Variants in ASTN1 observed in about 807,000 individuals in gnomAD.
ASTN1 encodes the protein astrotactin 1, also known as astrotactin-1.
In ASTN1, 41 loss-of-function variants were observed where a neutral mutation model predicts 140.7. The observed-to-expected ratio is 0.29, with a 90% CI of 0.23 to 0.38. The LOEUF is 0.38. Ranked by LOEUF, ASTN1 falls within the 10% of genes least tolerant of loss-of-function variation. The pLI is 1.00. For missense variants in ASTN1, 1,479 were observed against 1,678.8 expected, an observed-to-expected ratio of 0.88 and a Z score of 2.08; for synonymous variants, 640 against 652.2, an observed-to-expected ratio of 0.98 and a Z score of 0.29.
intron 22 of ASTN1, among the ~76,000 whole-genome samples, chr1:176,864,826 G>A (rs997519135): frequency 2.6e-5 from 4 of 152,124 alleles, no homozygotes; most frequent in Admixed American, 6.6e-5. Flanking sequence ...AGAGTTGGCA[G>A]GTTTGAAAGA....
chr1:176,891,514 C>T (rs927529795), intron 17 of ASTN1, among the ~76,000 whole-genome samples: 3 of 152,280 alleles, frequency 2.0e-5, no homozygotes, highest in East Asian at 3.9e-4. Context: ...TAGATACAAG[C>T]CGGGCACGGT....
rs150458757 is a variant in ASTN1 at position 176,891,336 on chromosome 1, A to G, written c.2941-3132T>C. ...GCTAAATTCATCTATCCATTCATTTATCTATTTATGCATCTATTCATTCAT... is the reference window on the plus strand; with the variant it reads ...GCTAAATTCATCTATCCATTCATTTGTCTATTTATGCATCTATTCATTCAT... On this transcript the variant is annotated intron_variant, in intron 17 of 22. Coordinates refer to ENST00000361833, the MANE Select transcript of ASTN1 (RefSeq NM_004319.3). 1.4e-4 allele frequency among the ~76,000 whole-genome samples: 22 copies of G among 152,366 alleles called. No individual in the cohort carries two copies. The East Asian group carries it at 4.0e-3, about 28-fold the overall frequency.
At chr1:176,989,892 A>C (rs1360007140) in intron 8 of ASTN1, among the ~76,000 whole-genome samples, 5 of 151,920 alleles carry the variant, frequency 3.3e-5, no homozygotes, top group Non-Finnish European at 2.9e-5. Flanking sequence ...CCAATTATCC[A>C]GCCTGAATGC....
intron 2 of ASTN1, among the ~76,000 whole-genome samples, chr1:177,033,645 A>G (rs1676566794): frequency 6.6e-6 from 1 of 152,236 alleles, no homozygotes; most frequent in Non-Finnish European, 1.5e-5. Flanking sequence ...TTAACCACAC[A>G]GTCCTGAGTG....
At chr1:176,995,006 A>C (rs1674369887) in intron 8 of ASTN1, among the ~76,000 whole-genome samples, 1 of 152,222 alleles carries the variant, frequency 6.6e-6, no homozygotes, top group South Asian at 2.1e-4. Context: ...AAAGAACACC[A>C]TGCCAAATGT....
At chr1:177,046,577 A>G (rs1677236015) in intron 2 of ASTN1, among the ~76,000 whole-genome samples, 3 of 152,126 alleles carry the variant, frequency 2.0e-5, no homozygotes, top group African/African-American at 7.2e-5. Context: ...CACCCTTTAT[A>G]CCATGCCTCG....
intron 14 of ASTN1, among the ~76,000 whole-genome samples, chr1:176,939,102 A>G (rs541463327): frequency 1.5e-3 from 234 of 151,956 alleles, no homozygotes; most frequent in Middle Eastern, 3.4e-3. Flanking sequence ...ACAGAGCAGG[A>G]CACCATCTCA....
chr1:177,029,939 G>A (rs1294073496), intron 4 of ASTN1, among the ~76,000 whole-genome samples, 198 bp from the exon 5 acceptor site: 2 of 152,166 alleles, frequency 1.3e-5, no homozygotes, highest in African/African-American at 2.4e-5. Flanking sequence ...AGCAATCACT[G>A]GAGCTCTACC....
At chr1:177,019,819 C>T (rs568351730) in intron 7 of ASTN1, among the ~76,000 whole-genome samples, 6 of 152,282 alleles carry the variant, frequency 3.9e-5, no homozygotes, top group African/African-American at 1.4e-4. Flanking sequence ...ATAAATTGCA[C>T]AAGGAGGATA....
chr1:177,143,193 T>C (rs1360482749), intron 1 of ASTN1, among the ~76,000 whole-genome samples: 1 of 152,206 alleles, frequency 6.6e-6, no homozygotes, highest in African/African-American at 2.4e-5. Flanking sequence ...AAAGCAGTTT[T>C]TGCATTTATG....
chr1:176,914,835 T>C (rs1357051921), intron 16 of ASTN1, among the ~76,000 whole-genome samples: 2 of 152,102 alleles, frequency 1.3e-5, no homozygotes, highest in African/African-American at 4.8e-5. Flanking sequence ...TTAGAAGAAA[T>C]GAAAGGATTT....
intron 9 of ASTN1, among the ~76,000 whole-genome samples, chr1:176,962,094 C>T (rs889897731): frequency 6.6e-6 from 1 of 152,212 alleles, no homozygotes; most frequent in Non-Finnish European, 1.5e-5. Context: ...TCAGAGCAGG[C>T]TATTCCAGGA....
intron 1 of ASTN1, among the ~76,000 whole-genome samples, chr1:177,125,553 C>T (rs1308106245): frequency 6.6e-6 from 1 of 152,274 alleles, no homozygotes; most frequent in African/African-American, 2.4e-5. Context: ...CCCCTCACAC[C>T]TCCCTTGTGG....
At chr1:177,001,675 G>A (rs1408823798) in intron 8 of ASTN1, among the ~76,000 whole-genome samples, 3 of 152,156 alleles carry the variant, frequency 2.0e-5, no homozygotes, top group Admixed American at 6.5e-5. Flanking sequence ...GCAGGTGAAC[G>A]TTAACCCTCT....
At chr1:176,961,560 A>G (rs989741498) in intron 9 of ASTN1, among the ~76,000 whole-genome samples, 1 of 152,190 alleles carries the variant, frequency 6.6e-6, no homozygotes, top group Non-Finnish European at 1.5e-5. Flanking sequence ...TAAGGCTAGT[A>G]ACCTCTCCAA....
intron 8 of ASTN1, among the ~76,000 whole-genome samples, chr1:176,972,984 C>T (rs1453510442): frequency 1.3e-5 from 2 of 152,132 alleles, no homozygotes; most frequent in African/African-American, 4.8e-5. Context: ...ATCTTCCCTC[C>T]TCATTTCAGA....
At chr1:177,052,410 C>A (rs1210296676) in intron 2 of ASTN1, among the ~76,000 whole-genome samples, 1 of 152,098 alleles carries the variant, frequency 6.6e-6, no homozygotes, top group Non-Finnish European at 1.5e-5. Flanking sequence ...ATTAAAACAG[C>A]CCTATAAAGT....
chr1:176,905,529 C>A (rs550886255), intron 16 of ASTN1, among the ~76,000 whole-genome samples: 1 of 152,132 alleles, frequency 6.6e-6, no homozygotes, highest in South Asian at 2.1e-4. Flanking sequence ...CTCTTGCTGC[C>A]CTGACCAATT....
At chr1:176,985,294 C>T (rs984439907) in intron 8 of ASTN1, among the ~76,000 whole-genome samples, 9 of 152,126 alleles carry the variant, frequency 5.9e-5, no homozygotes, top group Admixed American at 1.3e-4. Flanking sequence ...AGTCTCCACC[C>T]GCACCTCTGT....
Sources: allele counts gnomAD v4.1 joint callset (sites outside exome capture counted in the v4.1 genomes callset), GRCh38; gene constraint gnomAD v4.1.1; transcripts MANE v1.5; gene names NCBI Gene and HGNC (gene_info 2026-07-23, HGNC 2026-07-21).